Variants in TFDP2 observed in about 807,000 individuals in gnomAD.
TFDP2 encodes the protein transcription factor Dp-2 (E2F dimerization partner 2).
TFDP2 carries 17 observed loss-of-function variants against 59.3 expected under a neutral mutation model. The ratio of observed to expected loss-of-function variants is 0.29; its 90% confidence interval spans 0.20 to 0.43. TFDP2 has a LOEUF of 0.43. TFDP2 is among the 20% of genes least tolerant of loss of function. TFDP2 has a pLI of 1.00. For synonymous variants in TFDP2, 180 were observed against 194.7 expected (o/e 0.92, Z 0.63); for missense variants, 391 against 528.8 (o/e 0.74, Z 2.56).
At chr3:142,113,417 C>T (rs1465989412) in intron 1 of TFDP2, among the ~76,000 whole-genome samples, 1 of 152,084 alleles carries the variant, frequency 6.6e-6, no homozygotes, top group Non-Finnish European at 1.5e-5. Context: ...TGCCACCACA[C>T]CCGGCTAATT....
At chr3:142,044,239 T>TTTG in intron 3 of TFDP2, 3 of 244,812 alleles carry the variant, frequency 1.2e-5, no homozygotes, top group Middle Eastern at 1.5e-3. Flanking sequence ...TTTTTTTTTT[T>TTTG]TTTTTTTTTT....
At position 141,963,899 on chromosome 3, in the gene TFDP2, G is replaced by A. The variant is rs1364114367; in HGVS notation, c.797C>T (p.Pro266Leu). The A allele has an allele frequency of 6.2e-6, 10 of 1,613,658 alleles. No homozygotes were observed. Among genetic ancestry groups the A allele is most frequent in the Non-Finnish European group, 8.5e-6 (10 of 1,179,978 alleles). The change falls in exon 10 of 13, where the codon CCG (proline) becomes CTG (leucine). Residue 266 changes from proline to leucine, a missense_variant. Physicochemically the swap from Pro to Leu is moderately conservative, Grantham distance 98. Around this residue, in one of 3 missense-constraint regions of TFDP2, gnomAD observed 223 missense variants for 292.5 expected, o/e 0.76. Coordinates refer to ENST00000489671, the MANE Select transcript of TFDP2 (RefSeq NM_001178139.2). ...CAGCTGAATGGTAGAGTTCAGAGCCGGCGGGCCCTGGTTTTGCTGCTCATT... is the reference window on the plus strand; with the variant it reads ...CAGCTGAATGGTAGAGTTCAGAGCCAGCGGGCCCTGGTTTTGCTGCTCATT... ...RQNEQQNQGPPALNSTIQLPF... is the reference protein window; with the variant it reads ...RQNEQQNQGPLALNSTIQLPF...
chr3:141,952,885 T>A (rs1936094306), intron 12 of TFDP2, 26 bp downstream of exon 12: 1 of 1,606,246 alleles, frequency 6.2e-7, no homozygotes, highest in African/African-American at 1.3e-5. Flanking sequence ...GGGGTTTGCC[T>A]TTCTAACCCT....
chr3:142,015,535 C>T (rs1025547653), intron 3 of TFDP2, among the ~76,000 whole-genome samples: 10 of 152,170 alleles, frequency 6.6e-5, no homozygotes, highest in African/African-American at 2.2e-4. Context: ...TCATAAGTCC[C>T]GCAAGCTGGA....
chr3:142,003,671 G>A (rs528664692), intron 4 of TFDP2, among the ~76,000 whole-genome samples: 1 of 152,202 alleles, frequency 6.6e-6, no homozygotes, highest in Non-Finnish European at 1.5e-5. Flanking sequence ...GAAGTAGGGG[G>A]ACAAATTAAG....
intron 1 of TFDP2, among the ~76,000 whole-genome samples, chr3:142,124,926 T>C (rs2062181370): frequency 6.6e-6 from 1 of 152,174 alleles, no homozygotes; most frequent in Non-Finnish European, 1.5e-5. Context: ...CTGGGCATTG[T>C]AGATTACACC....
intron 4 of TFDP2, among the ~76,000 whole-genome samples, chr3:141,997,772 C>A (rs1943401366): frequency 6.8e-6 from 1 of 146,360 alleles, no homozygotes; most frequent in African/African-American, 2.5e-5. Flanking sequence ...ATCACTTGAA[C>A]CCAGGAGGCA....
chr3:142,083,049 C>T (rs530452848), intron 3 of TFDP2, among the ~76,000 whole-genome samples: 6 of 152,064 alleles, frequency 3.9e-5, no homozygotes, highest in Non-Finnish European at 5.9e-5. Flanking sequence ...AAATAAAGGG[C>T]CATTCAAATT....
chr3:142,062,536 C>A (rs2059955299), intron 3 of TFDP2, among the ~76,000 whole-genome samples: 5 of 151,800 alleles, frequency 3.3e-5, no homozygotes, highest in African/African-American at 1.2e-4. Flanking sequence ...CAACAGAAAT[C>A]CTCATCTGTT....
At chr3:142,003,373 G>A (rs1484667560) in intron 4 of TFDP2, among the ~76,000 whole-genome samples, 5 of 151,260 alleles carry the variant, frequency 3.3e-5, no homozygotes, top group Admixed American at 2.0e-4. Flanking sequence ...CTCATGACCC[G>A]CCCACCATGG....
intron 5 of TFDP2, 36 bp from the exon 6 acceptor site, chr3:141,993,621 T>C: frequency 1.6e-6 from 2 of 1,227,706 alleles, no homozygotes; most frequent in African/African-American, 1.5e-5. Context: ...AAACAATACA[T>C]ACTTAAATAC....
chr3:142,128,605 A>C (rs2062366561), intron 1 of TFDP2, among the ~76,000 whole-genome samples: 1 of 152,148 alleles, frequency 6.6e-6, no homozygotes, highest in African/African-American at 2.4e-5. Flanking sequence ...CATGAAATAA[A>C]GAGGCCAAGA....
chr3:141,970,998 C>T (rs905800933), intron 8 of TFDP2, among the ~76,000 whole-genome samples: 6 of 151,136 alleles, frequency 4.0e-5, no homozygotes, highest in African/African-American at 1.5e-4. Flanking sequence ...GCAGAGATTG[C>T]AGTGAGCCAA....
In TFDP2 at chr3:142,108,178, C is replaced by A. The variant is rs543100851; in HGVS notation, c.-92-6337G>T. On this transcript the variant is annotated intron_variant, in intron 1 of 12. Transcript: ENST00000489671. ...CTCTTTGTTCTTCAGACAGCCAAGA[C>A]CACATGGTCTGTGTGTATTTCCCAA... 3.0e-4 allele frequency among the ~76,000 whole-genome samples: 45 copies of A among 152,066 alleles called. No individual in the cohort carries two copies. The South Asian group carries it at 7.1e-3, about 24-fold the overall frequency.
chr3:141,956,476 C>T (rs1016342700), intron 11 of TFDP2, among the ~76,000 whole-genome samples: 7 of 151,786 alleles, frequency 4.6e-5, no homozygotes, highest in East Asian at 1.9e-4. Flanking sequence ...CGCCTGAACC[C>T]GGGAGGTGGA....
intron 1 of TFDP2, among the ~76,000 whole-genome samples, chr3:142,122,611 G>A (rs2062088195): frequency 6.6e-6 from 1 of 152,164 alleles, no homozygotes; most frequent in South Asian, 2.1e-4. Flanking sequence ...ACAACATGGA[G>A]CTCCAGAGCC....
chr3:142,097,582 G>A (rs750266644), intron 2 of TFDP2, among the ~76,000 whole-genome samples: 1 of 152,092 alleles, frequency 6.6e-6, no homozygotes, highest in Non-Finnish European at 1.5e-5. Context: ...CTACTGGAGA[G>A]GCTGAGGTGG....
At chr3:142,102,337 C>A (rs1389708726) in intron 1 of TFDP2, among the ~76,000 whole-genome samples, 2 of 151,628 alleles carry the variant, frequency 1.3e-5, no homozygotes, top group African/African-American at 4.8e-5. Flanking sequence ...TTGAATAGAG[C>A]CTACAGCTGG....
chr3:142,125,055 A>C (rs1476680875), intron 1 of TFDP2, among the ~76,000 whole-genome samples: 4 of 152,110 alleles, frequency 2.6e-5, no homozygotes, highest in African/African-American at 9.7e-5. Context: ...ATTTTTTTTA[A>C]ATTAGCCAAT....
Sources: gnomAD v4.1 joint callset for allele counts (sites outside exome capture counted in the v4.1 genomes callset) on GRCh38, gnomAD v4.1.1 for gene constraint, gnomAD v4.1.1 regional missense constraint, MANE v1.5 for transcripts, NCBI Gene and HGNC (gene_info 2026-07-23, HGNC 2026-07-21) for gene names.